Variants in LRRC19 observed in about 807,000 individuals in gnomAD.
LRRC19 encodes the protein leucine-rich repeat-containing protein 19.
LRRC19 carries 33 observed loss-of-function variants against 33.3 expected under a neutral mutation model. The ratio of observed to expected loss-of-function variants is 0.99; its 90% CI spans 0.75 to 1.33. The LOEUF (loss-of-function observed/expected upper bound fraction) is 1.33, where lower values mean the gene tolerates loss of function less well. Ranked by LOEUF, LRRC19 falls within the 40% of genes most tolerant of loss-of-function variation. LRRC19 has a pLI of 0.00. For missense variants in LRRC19, 463 were observed against 417.3 expected (o/e 1.11, Z -0.95); for synonymous variants, 184 against 152.3 (o/e 1.21, Z -1.53).
intron 1 of LRRC19, among the ~76,000 whole-genome samples, chr9:27,004,665 T>C (rs1828680288): frequency 6.6e-6 from 1 of 152,246 alleles, no homozygotes; most frequent in African/African-American, 2.4e-5. Context: ...TCAGTCATTG[T>C]TGCTTTCTTT....
rs1320012494 is a variant in LRRC19 at position 26,998,195 on chromosome 9, G to A, written c.128C>T (p.Ala43Val). The change falls in exon 3 of 5, where the codon GCA becomes GTA. Residue 43 changes from alanine to valine, a missense_variant. Coordinates refer to ENST00000380055, the MANE Select transcript of LRRC19 (RefSeq NM_022901.3). ...FTEKNYTLIP[A>V]DIKKDVTILD... ...TATAGTAACATCTTTCTTGATATCT[G>A]CTGGAATCAAGGTATAATTTTTTTC... The A allele has an allele frequency of 2.6e-6, 4 of 1,548,464 alleles. No homozygotes were observed. In the Admixed American group the frequency reaches 6.0e-5, roughly 23 times the overall value.
In LRRC19 at chr9:26,995,131, T is replaced by A. The variant is rs1280302869; in HGVS notation, c.*390A>T. ...ACTTTGACTTCCATATATTAATAAA[T>A]CCTAAACTTTTATTTCTTTACTGAT... On this transcript the variant is annotated 3_prime_UTR_variant, in exon 5 of 5. Coordinates refer to ENST00000380055, the MANE Select transcript of LRRC19 (RefSeq NM_022901.3). The A allele has an allele frequency of 1.3e-5, 2 of 154,502 alleles. No homozygotes were observed. Among genetic ancestry groups the A allele is most frequent in the Non-Finnish European group, 2.9e-5 (2 of 69,432 alleles). The allele number at this position is 154,502 out of a possible 1,614,324, so 9.6% of individuals were successfully genotyped here. A position where few individuals can be genotyped will look rare whatever the true frequency, so the allele number is the denominator to read the frequency against.
chr9:26,997,650 A>G (rs1667919211), intron 3 of LRRC19, 78 bp downstream of exon 3: 3 of 1,456,576 alleles, frequency 2.1e-6, no homozygotes, highest in African/African-American at 1.4e-5. Context: ...TTTTCTTTAA[A>G]ACGTGATATG....
In LRRC19 at chr9:26,996,368, G is replaced by GA; in HGVS notation, c.726dup (p.Gln243SerfsTer9). ...TTAAATATTGAATTGCTGATGGGCT[G>GA]AAAATGAATATAAAGATCTTCAGTT... On this transcript the variant is annotated frameshift_variant, in exon 4 of 5. Transcript: ENST00000380055. LOFTEE classifies it high-confidence loss of function. 6.2e-7 allele frequency: 1 copy of GA among 1,608,274 alleles called. No individual in the cohort carries two copies. Among genetic ancestry groups the GA allele is most frequent in the Non-Finnish European group, 8.5e-7 (1 of 1,176,512 alleles).
chr9:26,996,429 A>G lies in LRRC19; in HGVS notation c.666T>C (p.His222=). The change falls in exon 4 of 5, where the codon CAT becomes CAC. Residue 222 remains histidine, a synonymous_variant. Coordinates refer to ENST00000380055, the MANE Select transcript of LRRC19 (RefSeq NM_022901.3). Reference sequence around the variant, plus strand: ...GAAATTTTGAGTGGCATTCAGCCTTATGAGGTACTGTTTTGATATTGTAGC... The same window carrying G: ...GAAATTTTGAGTGGCATTCAGCCTTGTGAGGTACTGTTTTGATATTGTAGC... ...LQSYNIKTVP[H]KAECHSKFPS... is the part of the protein sequence containing the mutation. 6.2e-7 allele frequency: 1 copy of G among 1,605,376 alleles called. No homozygotes were observed. The highest frequency in any genetic ancestry group is 8.5e-7 in the Non-Finnish European group (1 of 1,174,488).
At chr9:27,002,074 C>G (rs940166617) in intron 1 of LRRC19, among the ~76,000 whole-genome samples, 1 of 152,080 alleles carries the variant, frequency 6.6e-6, no homozygotes, top group Non-Finnish European at 1.5e-5. Flanking sequence ...GCATGTCTTA[C>G]ATGGCTAGAG....
At chr9:27,005,029 C>T (rs2131591560) in intron 1 of LRRC19, among the ~76,000 whole-genome samples, 1 of 152,086 alleles carries the variant, frequency 6.6e-6, no homozygotes, top group African/African-American at 2.4e-5. Flanking sequence ...TGTAGTTTTT[C>T]CATTAAGTAT....
chr9:26,997,330 C>CTTTT (rs773530183), intron 3 of LRRC19, among the ~76,000 whole-genome samples: 25 of 123,596 alleles, frequency 2.0e-4, no homozygotes, highest in African/African-American at 3.8e-4. Context: ...GTTTCCTTTC[C>CTTTT]TTTTTTTTTT....
In LRRC19 at chr9:26,996,442, T is replaced by C. The variant is rs750259438; in HGVS notation, c.653A>G (p.Lys218Arg). Reference protein sequence around the residue: ...YPNSLQSYNIKTVPHKAECHS... With the variant: ...YPNSLQSYNIRTVPHKAECHS... The stretch of plus-strand genomic sequence containing the variant: ...GCATTCAGCCTTATGAGGTACTGTT[T>C]TGATATTGTAGCTCTGCAGGCTGTT... The change falls in exon 4 of 5, where the codon AAA becomes AGA. Residue 218 changes from lysine (K) to arginine (R), a missense_variant. Lys to Arg is a conservative substitution (Grantham distance 26). Coordinates refer to ENST00000380055, the MANE Select transcript of LRRC19 (RefSeq NM_022901.3). 3 of 1,585,014 alleles carry C rather than the reference T, an allele frequency of 1.9e-6. No homozygotes were observed. Among genetic ancestry groups the C allele is most frequent in the Non-Finnish European group, 2.6e-6 (3 of 1,162,448 alleles).
At chr9:27,004,220 A>G (rs1185990181) in intron 1 of LRRC19, among the ~76,000 whole-genome samples, 2 of 152,338 alleles carry the variant, frequency 1.3e-5, no homozygotes, top group South Asian at 2.1e-4. Context: ...TGTATCTGCT[A>G]TTTAATGCTA....
rs113246599 is a variant in LRRC19, at chr9:26,998,325, A to G, written c.82-84T>C. The stretch of plus-strand genomic sequence containing the variant: ...AAATTTCATATTTAAGCACTTAGAC[A>G]TTAGAAGGACGTTATTTTGGGAAAA... On this transcript the variant is annotated intron_variant, in intron 2 of 4. Transcript: ENST00000380055. The G allele has an allele frequency of 3.2e-3, 2,579 of 810,732 alleles. 9 individuals carry two copies. Among genetic ancestry groups the G allele is most frequent in the Non-Finnish European group, 4.3e-3 (2,367 of 556,180 alleles). 50.2% of individuals were successfully genotyped at this position (810,732 alleles called of 1,614,324 possible). A position where few individuals can be genotyped will look rare whatever the true frequency, so the allele number is the denominator to read the frequency against.
In LRRC19 at chr9:27,005,352, T is replaced by TCCCCCCCCC. The variant is rs1443234170; in HGVS notation, c.-10+239_-10+240insGGGGGGGGG. ...ATTTGATTGGCTAGATGAAACCATTTCCCCCCCCGCCCCCCGCAAAACAAT... is the reference window on the plus strand; with the variant it reads ...ATTTGATTGGCTAGATGAAACCATTTCCCCCCCCCCCCCCCCCGCCCCCCGCAAAACAAT... On this transcript the variant is annotated intron_variant, in intron 1 of 4. Transcript: ENST00000380055. Among the ~76,000 whole-genome samples, 4 of 18,944 alleles carry TCCCCCCCCC rather than the reference T, an allele frequency of 2.1e-4. 1 individual carries two copies. Among genetic ancestry groups the TCCCCCCCCC allele is most frequent in the South Asian group, 7.1e-3 (2 of 280 alleles). The allele number at this position is 18,944 out of a possible 152,430, so 12.4% of individuals were successfully genotyped here.
chr9:27,003,201 G>GT (rs1335521669), intron 1 of LRRC19, among the ~76,000 whole-genome samples: 1 of 150,958 alleles, frequency 6.6e-6, no homozygotes, highest in Non-Finnish European at 1.5e-5. Context: ...AGTATTTAGG[G>GT]TTTGTTTTTT....
At chr9:26,996,789 T>C (rs1189846052) in intron 3 of LRRC19, among the ~76,000 whole-genome samples, 1 of 152,196 alleles carries the variant, frequency 6.6e-6, no homozygotes. Context: ...TCAGGCACAG[T>C]ATGGTTTGCA....
intron 1 of LRRC19, among the ~76,000 whole-genome samples, chr9:27,002,913 A>G (rs1189012248): frequency 1.3e-5 from 2 of 152,160 alleles, no homozygotes; most frequent in African/African-American, 2.4e-5. Context: ...CTTCCACTCC[A>G]TGAACATGGA....
At position 26,998,236 on chromosome 9, in the gene LRRC19, G is replaced by C. The variant is rs1264719473; in HGVS notation, c.87C>G (p.Val29=). The C allele has an allele frequency of 3.5e-6, 5 of 1,428,430 alleles. No individual in the cohort carries two copies. Among genetic ancestry groups the C allele is most frequent in the Non-Finnish European group, 4.7e-6 (5 of 1,071,442 alleles). 88.5% of individuals were successfully genotyped at this position (1,428,430 alleles called of 1,614,324 possible). A position where few individuals can be genotyped will look rare whatever the true frequency, so the allele number is the denominator to read the frequency against. The change falls in exon 3 of 5, where the codon GTC becomes GTG. Residue 29 remains valine (V), a synonymous_variant. Transcript: ENST00000380055. ...AATTTTTTTCAGTAAAATTACATTGGACTTCCTAGAAAAACAAAAAAAAGA... is the reference window on the plus strand; with the variant it reads ...AATTTTTTTCAGTAAAATTACATTGCACTTCCTAGAAAAACAAAAAAAAGA... ...SDKIQSSKRE[V]QCNFTEKNYT...
intron 1 of LRRC19, among the ~76,000 whole-genome samples, chr9:27,000,293 T>A (rs1828410260): frequency 2.0e-5 from 3 of 152,332 alleles, no homozygotes; most frequent in Middle Eastern, 3.4e-3. Context: ...TAAGTGGTTG[T>A]AAATTTTAAA....
Position 26,995,469 on chromosome 9 carries a change from C to G in LRRC19, c.*52G>C, listed in dbSNP as rs1828095047. 9.1e-7 allele frequency: 1 copy of G among 1,094,186 alleles called. No homozygotes were observed. Among genetic ancestry groups the G allele is most frequent in the Non-Finnish European group, 1.3e-6 (1 of 770,898 alleles). The allele number at this position is 1,094,186 out of a possible 1,614,324, so 67.8% of individuals were successfully genotyped here. A position where few individuals can be genotyped will look rare whatever the true frequency, so the allele number is the denominator to read the frequency against. ...ATGTCACATAGCAAAATCTCCATAT[C>G]TAAACTGAGTGAGCTGATAACTTTG... On this transcript the variant is annotated 3_prime_UTR_variant, in exon 5 of 5. Coordinates refer to ENST00000380055, the MANE Select transcript of LRRC19 (RefSeq NM_022901.3).
Position 26,996,469 on chromosome 9 carries a change from G to A in LRRC19, c.626C>T (p.Pro209Leu), listed in dbSNP as rs867318283. 1 of 1,525,018 alleles carries A rather than the reference G, an allele frequency of 6.6e-7. No individual in the cohort carries two copies. Among genetic ancestry groups the A allele is most frequent in the African/African-American group, 1.4e-5 (1 of 73,016 alleles). 94.5% of individuals were successfully genotyped at this position (1,525,018 alleles called of 1,614,324 possible). Residue 209 changes from proline (P) to leucine (L), a missense_variant, in exon 4 of 5, where the codon CCC (proline) becomes CTC (leucine). Physicochemically the swap from Pro to Leu is moderately conservative, Grantham distance 98. Transcript: ENST00000380055. ...GATATTGTAGCTCTGCAGGCTGTTG[G>A]GGTAGCTACACATGGTGATGTTCTC... is the stretch of plus-strand genomic sequence containing the variant. ...ENENITMCSY[P>L]NSLQSYNIKT...
Sources: gnomAD v4.1 joint callset for allele counts (sites outside exome capture counted in the v4.1 genomes callset) on GRCh38, gnomAD v4.1.1 for gene constraint, MANE v1.5 for transcripts, NCBI Gene and HGNC (gene_info 2026-07-23, HGNC 2026-07-21) for gene names.